Variants in XRCC5 observed in about 807,000 individuals in gnomAD.
XRCC5 encodes the protein X-ray repair cross complementing 5, also known as DNA repair protein Ku80.
A neutral mutation model predicts 95.7 loss-of-function variants in XRCC5; 12 were observed. The observed-to-expected ratio is 0.13, with a 90% CI of 0.08 to 0.20. The LOEUF is 0.20. Ranked by LOEUF, XRCC5 falls within the 10% of genes least tolerant of loss-of-function variation. The probability of loss-of-function intolerance (pLI) is 1.00; values close to 1 mark genes in which losing one functional copy is unlikely to be tolerated. For missense variants in XRCC5, 595 were observed against 873.9 expected (o/e 0.68, Z 4.02); for synonymous variants, 281 against 290.3 (o/e 0.97, Z 0.33).
chr2:216,159,275 A>G (rs888213491), intron 14 of XRCC5, among the ~76,000 whole-genome samples: 24 of 152,168 alleles, frequency 1.6e-4, no homozygotes, highest in African/African-American at 5.5e-4. Flanking sequence ...CAGCAGCTTA[A>G]GGGAGATTAC....
intron 16 of XRCC5, among the ~76,000 whole-genome samples, chr2:216,176,554 A>G (rs1392215862): frequency 1.3e-5 from 2 of 152,162 alleles, no homozygotes. Context: ...TTATAATAAT[A>G]TTTTTGAGAT....
In XRCC5 at chr2:216,109,382, G is replaced by C; in HGVS notation, c.-55G>C. On this transcript the variant is annotated 5_prime_UTR_variant, in exon 1 of 21. Coordinates refer to ENST00000392132, the MANE Select transcript of XRCC5 (RefSeq NM_021141.4). The stretch of plus-strand genomic sequence containing the variant: ...CGCTTGTCCACCGGAAGCGAGTTGC[G>C]ACACGGCAGGTTCCCGCCCGGAAGA... 3 of 1,612,528 alleles carry C rather than the reference G, an allele frequency of 1.9e-6. No homozygotes were observed. Among genetic ancestry groups the C allele is most frequent in the Non-Finnish European group, 2.5e-6 (3 of 1,179,312 alleles).
intron 10 of XRCC5, among the ~76,000 whole-genome samples, chr2:216,134,745 T>C (rs1697046308): frequency 6.6e-6 from 1 of 151,446 alleles, no homozygotes; most frequent in Non-Finnish European, 1.5e-5. Flanking sequence ...CCCTTCCTTC[T>C]TTTAAACATC....
chr2:216,135,350 T>C (rs1697058173), intron 10 of XRCC5, among the ~76,000 whole-genome samples: 1 of 152,118 alleles, frequency 6.6e-6, no homozygotes, highest in African/African-American at 2.4e-5. Flanking sequence ...GGTAATGGTA[T>C]GAGCAAAGGC....
chr2:216,181,924 A>G (rs1023888340), intron 16 of XRCC5, among the ~76,000 whole-genome samples: 1 of 152,280 alleles, frequency 6.6e-6, no homozygotes, highest in East Asian at 1.9e-4. Context: ...TAGAGGGGGG[A>G]AAATGAAAAG....
At chr2:216,163,240 TC>T (rs1688987032) in intron 16 of XRCC5, among the ~76,000 whole-genome samples, 1 of 151,866 alleles carries the variant, frequency 6.6e-6, no homozygotes, top group African/African-American at 2.4e-5. Flanking sequence ...GCTCAAGTGA[TC>T]CTCCCACTTC....
chr2:216,133,734 C>T (rs1697028531), intron 10 of XRCC5, among the ~76,000 whole-genome samples: 1 of 152,092 alleles, frequency 6.6e-6, no homozygotes, highest in South Asian at 2.1e-4. Flanking sequence ...CTCCTAATGG[C>T]AAAGGGATAC....
chr2:216,133,629 C>T (rs935255259), intron 10 of XRCC5, among the ~76,000 whole-genome samples: 8 of 152,182 alleles, frequency 5.3e-5, no homozygotes, highest in African/African-American at 9.7e-5. Context: ...TAAGGGCAGC[C>T]TTGTGGATTG....
intron 19 of XRCC5, among the ~76,000 whole-genome samples, chr2:216,196,216 G>GTT (rs1410802035): frequency 7.3e-6 from 1 of 137,444 alleles, no homozygotes; most frequent in African/African-American, 2.9e-5. Context: ...AAAGATTTTT[G>GTT]TTAAAAAAAA....
chr2:216,115,383 C>T (rs1374834080), intron 2 of XRCC5, among the ~76,000 whole-genome samples: 7 of 152,134 alleles, frequency 4.6e-5, no homozygotes, highest in Non-Finnish European at 1.5e-5. Context: ...AATTTCCTCC[C>T]CTCCCATGAC....
At chr2:216,142,848 C>T (rs1426774817) in intron 13 of XRCC5, among the ~76,000 whole-genome samples, 2 of 152,078 alleles carry the variant, frequency 1.3e-5, no homozygotes, top group Non-Finnish European at 2.9e-5. Context: ...TGAAAAAAAT[C>T]TTTTGTTCTA....
chr2:216,132,576 C>T (rs372870560), intron 10 of XRCC5, among the ~76,000 whole-genome samples, 189 bp downstream of exon 10: 21 of 152,218 alleles, frequency 1.4e-4, no homozygotes, highest in East Asian at 9.6e-4. Context: ...GCACAAGACC[C>T]GAGGACATGG....
chr2:216,149,355 ATC>A (rs1688700189), intron 14 of XRCC5, among the ~76,000 whole-genome samples: 1 of 152,050 alleles, frequency 6.6e-6, no homozygotes, highest in African/African-American at 2.4e-5. Flanking sequence ...CCATAAGACC[ATC>A]TCTCAAGGAA....
chr2:216,163,708 C>T (rs207920), intron 16 of XRCC5, among the ~76,000 whole-genome samples: 83,454 of 152,016 alleles, frequency 0.55, 23,241 homozygotes, highest in South Asian at 0.66. Flanking sequence ...ATCTACTGTG[C>T]TGTTGTCCAG....
chr2:216,172,599 G>A (rs1424564577), intron 16 of XRCC5, among the ~76,000 whole-genome samples: 2 of 151,352 alleles, frequency 1.3e-5, no homozygotes, highest in East Asian at 3.9e-4. Flanking sequence ...CTCCTGAGTA[G>A]CTGGGATTAC....
At chr2:216,164,679 G>A (rs1189614453) in intron 16 of XRCC5, among the ~76,000 whole-genome samples, 2 of 152,180 alleles carry the variant, frequency 1.3e-5, no homozygotes, top group Admixed American at 1.3e-4. Flanking sequence ...TAGAAGAAGA[G>A]GGGAGAGGCA....
intron 3 of XRCC5, chr2:216,117,222 CT>C: frequency 5.2e-6 from 1 of 190,490 alleles, no homozygotes; most frequent in Non-Finnish European, 1.1e-5. Context: ...ATGTTCTCTC[CT>C]TTTTTTCTGG....
At chr2:216,199,794 C>A (rs1422240836) in intron 19 of XRCC5, among the ~76,000 whole-genome samples, 1 of 149,324 alleles carries the variant, frequency 6.7e-6, no homozygotes, top group African/African-American at 2.5e-5. Flanking sequence ...AGGATTTATC[C>A]CCATGGCATT....
At chr2:216,147,345 C>T (rs557588108) in intron 13 of XRCC5, among the ~76,000 whole-genome samples, 106 of 152,066 alleles carry the variant, frequency 7.0e-4, no homozygotes, top group Admixed American at 1.2e-3. Flanking sequence ...GTGATGCGAT[C>T]GAGGAGGCAA....
Sources: allele counts gnomAD v4.1 joint callset (sites outside exome capture counted in the v4.1 genomes callset), GRCh38; gene constraint gnomAD v4.1.1; transcripts MANE v1.5; gene names NCBI Gene and HGNC (gene_info 2026-07-23, HGNC 2026-07-21).